The following ILRUN variants were observed in gnomAD, a reference collection of about 807,000 sequenced individuals.
ILRUN encodes the protein inflammation and lipid regulator with UBA-like and NBR1-like domains, also known as protein ILRUN.
Under a neutral mutation model 33.8 loss-of-function variants are expected in ILRUN, and 3 were observed. The ratio of observed to expected loss-of-function variants is 0.09; its 90% CI spans 0.04 to 0.23. The LOEUF is 0.23. Among genes scored for constraint, ILRUN ranks in the 10% least tolerant of loss-of-function variants. The pLI is 1.00. For missense variants in ILRUN, 210 were observed against 375.1 expected (o/e 0.56, Z 3.64); for synonymous variants, 124 against 138.9 (o/e 0.89, Z 0.75).
At chr6:34,654,586 GA>G (rs763328558) in intron 2 of ILRUN, 38 bp downstream of exon 2, 8 of 1,558,664 alleles carry the variant, frequency 5.1e-6, no homozygotes, top group Non-Finnish European at 6.9e-6. Context: ...TTAAGAAAAT[GA>G]AAACTAGGCA....
intron 3 of ILRUN, among the ~76,000 whole-genome samples, chr6:34,633,248 C>T (rs1447486415): frequency 7.1e-6 from 1 of 141,354 alleles, no homozygotes; most frequent in Non-Finnish European, 1.6e-5. Context: ...ATGTTATGTA[C>T]CTAACAACAG....
chr6:34,624,860 T>C (rs1258514320), intron 3 of ILRUN, among the ~76,000 whole-genome samples: 1 of 152,192 alleles, frequency 6.6e-6, no homozygotes, highest in East Asian at 1.9e-4. Context: ...TGGTAACTAG[T>C]TACTCTTGGT....
At chr6:34,683,510 A>G (rs1020740857) in intron 1 of ILRUN, among the ~76,000 whole-genome samples, 1,181 of 91,890 alleles carry the variant, frequency 0.013, 41 homozygotes, top group African/African-American at 0.04. Flanking sequence ...ATATATATAT[A>G]TATACATATA....
At chr6:34,658,801 C>G (rs1278311233) in intron 1 of ILRUN, among the ~76,000 whole-genome samples, 1 of 152,032 alleles carries the variant, frequency 6.6e-6, no homozygotes, top group South Asian at 2.1e-4. Context: ...GGGCAAGACT[C>G]CATCTCAAGA....
intron 1 of ILRUN, among the ~76,000 whole-genome samples, chr6:34,683,599 G>A (rs1029500716): frequency 6.7e-6 from 1 of 150,046 alleles, no homozygotes. Flanking sequence ...AAGGTCTGAA[G>A]AAATTGTTAG....
chr6:34,598,900 C>T (rs1206227963), intron 4 of ILRUN, among the ~76,000 whole-genome samples: 1 of 152,198 alleles, frequency 6.6e-6, no homozygotes, highest in Non-Finnish European at 1.5e-5. Flanking sequence ...ATATTAAGCC[C>T]AGAGTATCCT....
At chr6:34,627,016 A>T (rs1762150657) in intron 3 of ILRUN, among the ~76,000 whole-genome samples, 1 of 151,984 alleles carries the variant, frequency 6.6e-6, no homozygotes, top group Admixed American at 6.6e-5. Context: ...AAAAAAAAAA[A>T]TGGTATTCAG....
chr6:34,684,591 TAA>T (rs1271533806), intron 1 of ILRUN, among the ~76,000 whole-genome samples: 1 of 152,150 alleles, frequency 6.6e-6, no homozygotes, highest in East Asian at 1.9e-4. Context: ...ACTGTCCTCT[TAA>T]AAGTGTGTTT....
intron 1 of ILRUN, among the ~76,000 whole-genome samples, chr6:34,691,699 G>C (rs987560220): frequency 6.6e-6 from 1 of 152,126 alleles, no homozygotes; most frequent in Non-Finnish European, 1.5e-5. Context: ...GGGAGGCTGA[G>C]GCAGGAGAAT....
rs1188141298 is a variant in ILRUN, at chr6:34,589,319, T to C, written c.*1246A>G. 1 of 152,204 alleles carries C rather than the reference T, an allele frequency of 6.6e-6. No individual in the cohort carries two copies. Among genetic ancestry groups the C allele is most frequent in the African/African-American group, 2.4e-5 (1 of 41,452 alleles). 9.4% of individuals were successfully genotyped at this position (152,204 alleles called of 1,614,324 possible). A position where few individuals can be genotyped will look rare whatever the true frequency, so the allele number is the denominator to read the frequency against. On this transcript the variant is annotated 3_prime_UTR_variant, in exon 5 of 5. Transcript: ENST00000374023. Reference sequence around the variant, plus strand: ...TGCCACTTGCCCACCTCCCAGCCAATAATCTAGCATCCTGGCAGGGAGGCG... The same window carrying C: ...TGCCACTTGCCCACCTCCCAGCCAACAATCTAGCATCCTGGCAGGGAGGCG...
Position 34,648,737 on chromosome 6 carries a change from T to C in ILRUN, c.314-1939A>G, listed in dbSNP as rs368909095. Among the ~76,000 whole-genome samples, 74 of 152,260 alleles carry C rather than the reference T, an allele frequency of 4.9e-4. 2 individuals are homozygous for C. In the South Asian group the frequency reaches 0.015, roughly 30 times the overall value. ...GAAAAGAAAAATTATACTACTATCA[T>C]GGGGCTGAATTCACAGTTATTCTTT... On this transcript the variant is annotated intron_variant, in intron 2 of 4. Transcript: ENST00000374023.
intron 4 of ILRUN, among the ~76,000 whole-genome samples, chr6:34,599,418 C>G (rs1473559851): frequency 1.8e-4 from 27 of 152,308 alleles, no homozygotes; most frequent in Non-Finnish European, 4.4e-5. Flanking sequence ...CAAGAGACAT[C>G]TGGCATGTCA....
intron 3 of ILRUN, among the ~76,000 whole-genome samples, chr6:34,634,412 TCA>T (rs1270020780): frequency 2.6e-5 from 4 of 152,114 alleles, no homozygotes; most frequent in African/African-American, 9.7e-5. Flanking sequence ...AGCAATAATC[TCA>T]GTTTCCACCT....
At chr6:34,606,249 C>T (rs1037861389) in intron 4 of ILRUN, among the ~76,000 whole-genome samples, 1 of 152,138 alleles carries the variant, frequency 6.6e-6, no homozygotes, top group African/African-American at 2.4e-5. Context: ...AATAATTGAG[C>T]AACATTGTTT....
intron 1 of ILRUN, 131 bp from the exon 2 acceptor site, chr6:34,654,910 A>G (rs1413209656): frequency 2.8e-6 from 2 of 721,470 alleles, no homozygotes; most frequent in Non-Finnish European, 2.1e-6. Flanking sequence ...CACGTCTTTA[A>G]AGCCTTCTAT....
intron 2 of ILRUN, among the ~76,000 whole-genome samples, chr6:34,651,572 G>A (rs1762669179): frequency 6.6e-6 from 1 of 151,948 alleles, no homozygotes; most frequent in Non-Finnish European, 1.5e-5. Flanking sequence ...CATTTCAACA[G>A]TACTCTAACA....
chr6:34,605,356 G>T lies in ILRUN; in HGVS notation c.861+1199C>A, dbSNP rs867252771. On this transcript the variant is annotated intron_variant, in intron 4 of 4. Transcript: ENST00000374023. ...AAAAAAAAAAAGGAGGGCTGGGCGTGGTGGTTCACACCTGTAATCCCAGCA... is the reference window on the plus strand; with the variant it reads ...AAAAAAAAAAAGGAGGGCTGGGCGTTGTGGTTCACACCTGTAATCCCAGCA... 8.6e-5 allele frequency among the ~76,000 whole-genome samples: 13 copies of T among 150,428 alleles called. No individual in the cohort carries two copies. The South Asian group carries it at 2.8e-3, about 32-fold the overall frequency.
intron 4 of ILRUN, among the ~76,000 whole-genome samples, chr6:34,603,639 A>C (rs909523525): frequency 9.2e-5 from 14 of 152,194 alleles, no homozygotes; most frequent in Non-Finnish European, 1.8e-4. Flanking sequence ...ATCTCAAAAA[A>C]ACAATACATA....
At chr6:34,650,494 G>A (rs909016967) in intron 2 of ILRUN, among the ~76,000 whole-genome samples, 7 of 151,044 alleles carry the variant, frequency 4.6e-5, no homozygotes, top group South Asian at 2.1e-4. Flanking sequence ...GCAGTGGCGC[G>A]GTCTCAGCTC....
Sources: gnomAD v4.1 joint callset for allele counts (sites outside exome capture counted in the v4.1 genomes callset) on GRCh38, gnomAD v4.1.1 for gene constraint, MANE v1.5 for transcripts, NCBI Gene and HGNC (gene_info 2026-07-23, HGNC 2026-07-21) for gene names.